Variants in SNX29 observed in about 807,000 individuals in gnomAD.
The protein encoded by SNX29 is sorting nexin 29.
Under a neutral mutation model 102.1 loss-of-function variants are expected in SNX29, and 78 were observed. The observed-to-expected ratio is 0.76, with a 90% CI of 0.64 to 0.92. SNX29 has a LOEUF of 0.92. Among genes scored for constraint, SNX29 ranks in the 40% least tolerant of loss-of-function variants. SNX29 has a pLI of 0.00. For missense variants in SNX29, 1,280 were observed against 1,061.7 expected (o/e 1.21, Z -2.86); for synonymous variants, 580 against 414.5 (o/e 1.40, Z -4.85).
At chr16:12,438,087 C>A (rs975273536) in intron 18 of SNX29, among the ~76,000 whole-genome samples, 5 of 152,156 alleles carry the variant, frequency 3.3e-5, no homozygotes, top group African/African-American at 1.2e-4. Flanking sequence ...CCTTTCCAAG[C>A]AGCCTCAGAG....
chr16:12,024,824 A>G lies in SNX29; in HGVS notation c.123-2496A>G, dbSNP rs116591837. On this transcript the variant is annotated intron_variant, in intron 3 of 20. Coordinates refer to ENST00000566228, the MANE Select transcript of SNX29 (RefSeq NM_032167.5). ...ATTTGCAGAAGATTCTTTTAAAGAT[A>G]GAGGCTTTGGTTAATTACAGAGAAC... Among the ~76,000 whole-genome samples the G allele has an allele frequency of 9.3e-3, 1,420 of 152,332 alleles. 17 individuals carry two copies. Among genetic ancestry groups the G allele is most frequent in the African/African-American group, 0.032 (1,338 of 41,568 alleles).
At chr16:12,481,393 TATAC>T (rs1326360281) in intron 19 of SNX29, among the ~76,000 whole-genome samples, 4 of 146,572 alleles carry the variant, frequency 2.7e-5, no homozygotes, top group Middle Eastern at 3.5e-3. Flanking sequence ...TATATATATA[TATAC>T]ACACACACAC....
chr16:12,013,488 GAAAAAA>G (rs564156499), intron 3 of SNX29, among the ~76,000 whole-genome samples: 7 of 12,972 alleles, frequency 5.4e-4, no homozygotes, highest in East Asian at 2.8e-3. Flanking sequence ...TCTACTGGGG[GAAAAAA>G]AAAAAAATAT....
At chr16:12,538,982 A>T (rs963580012) in intron 20 of SNX29, among the ~76,000 whole-genome samples, 4 of 152,168 alleles carry the variant, frequency 2.6e-5, no homozygotes, top group African/African-American at 9.7e-5. Context: ...AAATAGGGAG[A>T]AGATAGAACA....
intron 15 of SNX29, among the ~76,000 whole-genome samples, chr16:12,335,703 T>A (rs1215374363): frequency 1.3e-5 from 2 of 152,044 alleles, no homozygotes; most frequent in East Asian, 1.9e-4. Flanking sequence ...AAGCTGGTGG[T>A]CATGATGAGA....
At chr16:12,114,553 G>T (rs2053619176) in intron 11 of SNX29, among the ~76,000 whole-genome samples, 1 of 151,904 alleles carries the variant, frequency 6.6e-6, no homozygotes, top group Non-Finnish European at 1.5e-5. Flanking sequence ...TTCAGTCCCG[G>T]TTCTGTATCG....
intron 5 of SNX29, among the ~76,000 whole-genome samples, chr16:12,045,208 C>A (rs1301197816): frequency 6.6e-6 from 1 of 152,180 alleles, no homozygotes; most frequent in East Asian, 1.9e-4. Flanking sequence ...TGGAAATGCG[C>A]CTCTTCTTTC....
intron 13 of SNX29, among the ~76,000 whole-genome samples, chr16:12,183,675 C>G (rs1462859593): frequency 6.6e-6 from 1 of 152,202 alleles, no homozygotes; most frequent in East Asian, 1.9e-4. Flanking sequence ...GGAATAGGGG[C>G]TGGGTAGAAT....
chr16:12,181,048 A>G (rs1310192981), intron 13 of SNX29, among the ~76,000 whole-genome samples: 1 of 152,244 alleles, frequency 6.6e-6, no homozygotes, highest in African/African-American at 2.4e-5. Flanking sequence ...GAGTCCTGAC[A>G]GTACAGATTT....
intron 15 of SNX29, among the ~76,000 whole-genome samples, chr16:12,349,580 G>T (rs1220832939): frequency 1.3e-5 from 2 of 152,182 alleles, no homozygotes; most frequent in South Asian, 2.1e-4. Context: ...GATTTGGGAT[G>T]CTCATCCTGT....
intron 15 of SNX29, among the ~76,000 whole-genome samples, chr16:12,319,383 A>G (rs913724635): frequency 2.6e-5 from 4 of 152,154 alleles, no homozygotes; most frequent in East Asian, 1.9e-4. Flanking sequence ...AGTTCCAGCT[A>G]CTGGGGAGGC....
At position 12,551,894 on chromosome 16, in the gene SNX29, A is replaced by T. The variant is rs1597952152; in HGVS notation, c.2319-16612A>T. ...TTTCTAGCCTGTCTGCTCATCTGTA[A>T]GGTAGGGATCTCTATACCCTACCAC... is the stretch of plus-strand genomic sequence containing the variant. On this transcript the variant is annotated intron_variant, in intron 20 of 20. Coordinates refer to ENST00000566228, the MANE Select transcript of SNX29 (RefSeq NM_032167.5). Among the ~76,000 whole-genome samples the T allele has an allele frequency of 3.3e-5, 5 of 152,282 alleles. No individual in the cohort carries two copies. In the East Asian group the frequency reaches 9.6e-4, roughly 29 times the overall value.
chr16:12,146,043 C>T (rs57288594), intron 13 of SNX29, among the ~76,000 whole-genome samples: 29,896 of 152,184 alleles, frequency 0.2, 3,389 homozygotes, highest in Middle Eastern at 0.28. Flanking sequence ...ACCCCTACAG[C>T]GGTGAGTGAG....
chr16:12,312,253 G>A (rs1408572535), intron 15 of SNX29, among the ~76,000 whole-genome samples: 2 of 152,204 alleles, frequency 1.3e-5, no homozygotes, highest in Non-Finnish European at 2.9e-5. Context: ...CCAGCCCCCT[G>A]CACTTCCATC....
chr16:12,568,716 G>A lies in SNX29; in HGVS notation c.*87G>A, dbSNP rs900647555. On this transcript the variant is annotated 3_prime_UTR_variant, in exon 21 of 21. Coordinates refer to ENST00000566228, the MANE Select transcript of SNX29 (RefSeq NM_032167.5). ...TGCCGCTGGCCCCTCACCTCAGCGTGACAACCACGTCCACCTGGTGATCCT... is the reference window on the plus strand; with the variant it reads ...TGCCGCTGGCCCCTCACCTCAGCGTAACAACCACGTCCACCTGGTGATCCT... 10 of 1,533,878 alleles carry A rather than the reference G, an allele frequency of 6.5e-6. No individual in the cohort carries two copies. The highest frequency in any genetic ancestry group is 8.7e-6 in the Non-Finnish European group (10 of 1,144,154).
At chr16:12,476,391 T>TATATATATATATATATAC (rs2087619620) in intron 18 of SNX29, among the ~76,000 whole-genome samples, 3 of 14,072 alleles carry the variant, frequency 2.1e-4, no homozygotes, top group East Asian at 5.3e-3. Context: ...AAAATATATA[T>TATATATATATATATATAC]ATATATATAT....
rs2076790626 is a variant in SNX29, at chr16:12,526,627, GC to G, written c.2318+1789del. The G allele has an allele frequency of 7.5e-6, 4 of 532,338 alleles. No individual in the cohort carries two copies. In the East Asian group the frequency reaches 1.2e-4, roughly 16 times the overall value. The allele number at this position is 532,338 out of a possible 1,614,324, so 33.0% of individuals were successfully genotyped here. A position where few individuals can be genotyped will look rare whatever the true frequency, so the allele number is the denominator to read the frequency against. The stretch of plus-strand genomic sequence containing the variant: ...TCATCCTCTTAGCGGCATCCCCATG[GC>G]CCAGGGTGCACGGGGGAATTAGCCT... On this transcript the variant is annotated intron_variant, in intron 20 of 20. Transcript: ENST00000566228.
At position 12,175,342 on chromosome 16, in the gene SNX29, A is replaced by T. The variant is rs555655694; in HGVS notation, c.1596-24259A>T. On this transcript the variant is annotated intron_variant, in intron 13 of 20. Coordinates refer to ENST00000566228, the MANE Select transcript of SNX29 (RefSeq NM_032167.5). The stretch of plus-strand genomic sequence containing the variant: ...TTAAGGATGTAATTGAAGTGAAATG[A>T]GGTCATAAGTGGGGGGCTGGCCGGG... Among the ~76,000 whole-genome samples, 32 of 152,222 alleles carry T rather than the reference A, an allele frequency of 2.1e-4. 1 individual carries two copies. In the South Asian group the frequency reaches 6.4e-3, roughly 31 times the overall value.
intron 18 of SNX29, among the ~76,000 whole-genome samples, chr16:12,443,695 C>T (rs2085911974): frequency 1.3e-5 from 2 of 152,244 alleles, no homozygotes. Flanking sequence ...AGATAATCTA[C>T]CTGCCTTGGC....
Sources: allele counts gnomAD v4.1 joint callset (sites outside exome capture counted in the v4.1 genomes callset), GRCh38; gene constraint gnomAD v4.1.1; transcripts MANE v1.5; gene names NCBI Gene and HGNC (gene_info 2026-07-23, HGNC 2026-07-21).